LSAMP: variants seen among roughly 807,000 people sequenced by gnomAD.
The protein encoded by LSAMP is limbic system-associated membrane protein.
In LSAMP, 7 loss-of-function variants were observed where a neutral mutation model predicts 38.6. The ratio of observed to expected loss-of-function variants is 0.18; its 90% CI spans 0.10 to 0.34. The LOEUF is 0.34. LSAMP is among the 10% of genes least tolerant of loss of function. The pLI, the probability that LSAMP is intolerant of heterozygous loss-of-function variation, is 1.00. For missense variants in LSAMP, 313 were observed against 420.0 expected, an observed-to-expected ratio of 0.75 and a Z score of 2.23; for synonymous variants, 154 against 166.8, an observed-to-expected ratio of 0.92 and a Z score of 0.59.
chr3:116,112,444 G>A lies in LSAMP; in HGVS notation c.156-25888C>T, dbSNP rs138395594. 1.1e-3 allele frequency among the ~76,000 whole-genome samples: 172 copies of A among 152,252 alleles called. 1 individual carries two copies. Among genetic ancestry groups the A allele is most frequent in the Non-Finnish European group, 1.9e-3 (128 of 68,010 alleles). Reference sequence around the variant, plus strand: ...GTGTGGAGATGGGCAATGAGCTTGCGAATGACTATGATAATAAAACTAATA... The same window carrying A: ...GTGTGGAGATGGGCAATGAGCTTGCAAATGACTATGATAATAAAACTAATA... On this transcript the variant is annotated intron_variant, in intron 1 of 6. Coordinates refer to ENST00000490035, the MANE Select transcript of LSAMP (RefSeq NM_002338.5).
intron 1 of LSAMP, among the ~76,000 whole-genome samples, chr3:116,248,160 G>A (rs2046627214): frequency 6.6e-6 from 1 of 152,154 alleles, no homozygotes; most frequent in African/African-American, 2.4e-5. Context: ...CCAGATTAAA[G>A]GGAAAGATTT....
chr3:115,935,689 C>A (rs971119033), intron 3 of LSAMP, among the ~76,000 whole-genome samples: 11 of 152,172 alleles, frequency 7.2e-5, no homozygotes, highest in Non-Finnish European at 1.6e-4. Context: ...AAACTCTCAT[C>A]TCAGAGTGGC....
intron 1 of LSAMP, among the ~76,000 whole-genome samples, chr3:116,162,496 C>A (rs558221758): frequency 6.6e-6 from 1 of 152,116 alleles, no homozygotes; most frequent in South Asian, 2.1e-4. Context: ...AGTTGGGAAA[C>A]TATTCCCTAT....
intron 1 of LSAMP, among the ~76,000 whole-genome samples, chr3:116,117,722 T>G (rs1307107281): frequency 6.6e-6 from 1 of 152,186 alleles, no homozygotes; most frequent in Non-Finnish European, 1.5e-5. Context: ...TTGTCTAATT[T>G]TTTTTCATGA....
At chr3:116,315,574 C>T (rs970543837) in intron 1 of LSAMP, among the ~76,000 whole-genome samples, 1 of 152,084 alleles carries the variant, frequency 6.6e-6, no homozygotes. Flanking sequence ...ATAATTTACG[C>T]TTTAAGAAAT....
At chr3:116,049,503 T>C (rs1941353140) in intron 2 of LSAMP, among the ~76,000 whole-genome samples, 1 of 152,192 alleles carries the variant, frequency 6.6e-6, no homozygotes, top group East Asian at 1.9e-4. Context: ...TCAAACTCTG[T>C]GTTTGTAGGG....
At chr3:116,294,242 T>TCAA (rs2047301849) in intron 1 of LSAMP, among the ~76,000 whole-genome samples, 1 of 152,154 alleles carries the variant, frequency 6.6e-6, no homozygotes, top group South Asian at 2.1e-4. Flanking sequence ...ATGAAGATTG[T>TCAA]CAACTATTAA....
rs771126254 is a variant in LSAMP at position 115,864,925 on chromosome 3, G to T, written c.515-12308C>A. 4.7e-4 allele frequency among the ~76,000 whole-genome samples: 72 copies of T among 152,248 alleles called. 1 individual carries two copies. Among genetic ancestry groups the T allele is most frequent in the Admixed American group, 9.8e-4 (15 of 15,278 alleles). On this transcript the variant is annotated intron_variant, in intron 3 of 6. Transcript: ENST00000490035. ...TACTCAATCATTTGTTTATATGAGAGAAATACATTATTATGCAATGTCTTA... is the reference window on the plus strand; with the variant it reads ...TACTCAATCATTTGTTTATATGAGATAAATACATTATTATGCAATGTCTTA...
chr3:116,223,020 G>A (rs1308158174), intron 1 of LSAMP, among the ~76,000 whole-genome samples: 2 of 152,042 alleles, frequency 1.3e-5, no homozygotes, highest in African/African-American at 2.4e-5. Flanking sequence ...TTACAGGCGT[G>A]AGCCACCGCG....
At chr3:116,009,432 T>C (rs1940260883) in intron 3 of LSAMP, among the ~76,000 whole-genome samples, 1 of 152,184 alleles carries the variant, frequency 6.6e-6, no homozygotes, top group South Asian at 2.1e-4. Context: ...CCTGTAATTA[T>C]AGTGTCATCA....
Position 116,086,536 on chromosome 3 carries a change from T to C in LSAMP, c.176A>G (p.Asn59Ser), listed in dbSNP as rs755108313. 93 of 1,614,020 alleles carry C rather than the reference T, an allele frequency of 5.8e-5. No homozygotes were observed. Among genetic ancestry groups the C allele is most frequent in the Non-Finnish European group, 7.8e-5 (92 of 1,180,006 alleles). Residue 59 changes from asparagine (N) to serine (S), a missense_variant, in exon 2 of 7, where the codon AAC becomes AGC. Asn to Ser is a conservative substitution (Grantham distance 46). Coordinates refer to ENST00000490035, the MANE Select transcript of LSAMP (RefSeq NM_002338.5). ...ACGGTTCAACCAGGCCACCTTTGAGTTCTTGTCTTCTACAACGCACCTGAC... is the reference window on the plus strand; with the variant it reads ...ACGGTTCAACCAGGCCACCTTTGAGCTCTTGTCTTCTACAACGCACCTGAC... Reference protein sequence around the residue: ...AILRCVVEDKNSKVAWLNRSG... With the variant: ...AILRCVVEDKSSKVAWLNRSG...
At chr3:116,239,638 C>A (rs867269810) in intron 1 of LSAMP, among the ~76,000 whole-genome samples, 1 of 151,994 alleles carries the variant, frequency 6.6e-6, no homozygotes, top group South Asian at 2.1e-4. Flanking sequence ...TCAGGAAGGA[C>A]CAAACAGAAC....
At chr3:115,963,779 G>A (rs1412403862) in intron 3 of LSAMP, among the ~76,000 whole-genome samples, 4 of 152,028 alleles carry the variant, frequency 2.6e-5, no homozygotes, top group African/African-American at 9.7e-5. Context: ...TTTGAGATGG[G>A]GTCTTGCTGT....
intron 1 of LSAMP, among the ~76,000 whole-genome samples, chr3:116,101,349 A>G (rs1395381612): frequency 6.6e-6 from 1 of 152,246 alleles, no homozygotes; most frequent in Non-Finnish European, 1.5e-5. Context: ...TAGAAAAATG[A>G]TGATATCTAT....
At chr3:116,117,218 G>A (rs1292044355) in intron 1 of LSAMP, among the ~76,000 whole-genome samples, 1 of 152,196 alleles carries the variant, frequency 6.6e-6, no homozygotes, top group Non-Finnish European at 1.5e-5. Flanking sequence ...GAAACTCTGA[G>A]TGTGTGGGTG....
intron 1 of LSAMP, among the ~76,000 whole-genome samples, chr3:116,249,503 A>G (rs1193455174): frequency 6.6e-6 from 1 of 151,890 alleles, no homozygotes; most frequent in Admixed American, 6.6e-5. Context: ...CTCCTGCCTC[A>G]GCCTCCTGAG....
intron 1 of LSAMP, among the ~76,000 whole-genome samples, chr3:116,142,930 G>A (rs765605379): frequency 1.3e-5 from 2 of 151,528 alleles, no homozygotes; most frequent in Non-Finnish European, 2.9e-5. Context: ...GTTATTTCAG[G>A]ATAGGGTTCA....
chr3:115,839,015 C>T (rs1000759223), intron 6 of LSAMP, among the ~76,000 whole-genome samples: 1 of 152,200 alleles, frequency 6.6e-6, no homozygotes, highest in African/African-American at 2.4e-5. Context: ...GCAGAGCACC[C>T]CGCTGCCCAC....
intron 3 of LSAMP, among the ~76,000 whole-genome samples, chr3:115,964,610 T>TA (rs1938736303): frequency 6.6e-6 from 1 of 152,142 alleles, no homozygotes. Context: ...AAACATTCAT[T>TA]ATGCGCAGAT....
Sources: allele counts gnomAD v4.1 joint callset (sites outside exome capture counted in the v4.1 genomes callset), GRCh38; gene constraint gnomAD v4.1.1; transcripts MANE v1.5; gene names NCBI Gene and HGNC (gene_info 2026-07-23, HGNC 2026-07-21).